Variants in SV2C observed in about 807,000 individuals in gnomAD.
The protein encoded by SV2C is synaptic vesicle glycoprotein 2C, also known as solute carrier family 22 member B3.
A neutral mutation model predicts 79.7 loss-of-function variants in SV2C; 49 were observed. The observed-to-expected ratio is 0.61, with a 90% confidence interval of 0.49 to 0.78. The LOEUF (loss-of-function observed/expected upper bound fraction) is 0.78. Ranked by LOEUF, SV2C falls within the 30% of genes least tolerant of loss-of-function variation. SV2C has a pLI of 0.00. For synonymous variants in SV2C, 334 were observed against 333.2 expected, an observed-to-expected ratio of 1.00 and a Z score of -0.03; for missense variants, 833 against 912.9, an observed-to-expected ratio of 0.91 and a Z score of 1.13.
the SV2C span, among the ~76,000 whole-genome samples, chr5:75,991,459 T>G: frequency 6.6e-6 from 1 of 150,920 alleles, no homozygotes; most frequent in Non-Finnish European, 1.5e-5. Flanking sequence ...AATCTGTAAT[T>G]TTTTCTTTAT....
chr5:76,002,970 C>T, the SV2C span, among the ~76,000 whole-genome samples: 2 of 151,956 alleles, frequency 1.3e-5, no homozygotes, highest in African/African-American at 2.4e-5. Flanking sequence ...ATAATCCCCA[C>T]GTGTCATGGG....
chr5:75,980,851 G>A, the SV2C span, among the ~76,000 whole-genome samples: 5 of 152,184 alleles, frequency 3.3e-5, no homozygotes, highest in Non-Finnish European at 5.9e-5. Flanking sequence ...CAGTACTGGA[G>A]GTCCTGGCCA....
the SV2C span, among the ~76,000 whole-genome samples, chr5:75,871,970 A>G: frequency 2.0e-5 from 3 of 147,630 alleles, no homozygotes; most frequent in African/African-American, 4.9e-5. Flanking sequence ...ACACACACGT[A>G]TATTTAACAA....
the SV2C span, among the ~76,000 whole-genome samples, chr5:75,949,815 C>G: frequency 6.6e-6 from 1 of 152,114 alleles, no homozygotes; most frequent in Non-Finnish European, 1.5e-5. Context: ...AGTGTGAAAA[C>G]CAGCTAATAC....
intron 2 of SV2C, among the ~76,000 whole-genome samples, chr5:76,144,208 A>G (rs978760685): frequency 6.6e-6 from 1 of 152,222 alleles, no homozygotes; most frequent in African/African-American, 2.4e-5. Context: ...ATTTATCAAT[A>G]TTGGAATATT....
chr5:75,994,570 ACT>A, the SV2C span, among the ~76,000 whole-genome samples: 1 of 152,062 alleles, frequency 6.6e-6, no homozygotes, highest in Admixed American at 6.6e-5. Flanking sequence ...TGGCTTTGTG[ACT>A]CTCTAAATTT....
At chr5:75,920,114 A>G in the SV2C span, among the ~76,000 whole-genome samples, 2 of 152,228 alleles carry the variant, frequency 1.3e-5, no homozygotes, top group Admixed American at 6.5e-5. Context: ...TTCTTAAGTA[A>G]GAATCTATGG....
the SV2C span, among the ~76,000 whole-genome samples, chr5:76,064,304 C>T: frequency 6.6e-6 from 1 of 152,124 alleles, no homozygotes; most frequent in Non-Finnish European, 1.5e-5. Context: ...GAGCTCAGGC[C>T]CTGGACGTGA....
At chr5:76,180,562 G>A (rs1370030733) in intron 2 of SV2C, among the ~76,000 whole-genome samples, 1 of 152,122 alleles carries the variant, frequency 6.6e-6, no homozygotes, top group African/African-American at 2.4e-5. Flanking sequence ...GTTCTTTTCA[G>A]TCCAGTGACA....
At chr5:76,186,239 C>T (rs933151843) in intron 2 of SV2C, among the ~76,000 whole-genome samples, 8 of 152,188 alleles carry the variant, frequency 5.3e-5, no homozygotes, top group African/African-American at 1.7e-4. Flanking sequence ...CTTCTGAGCC[C>T]TCCAAACTGT....
intron 2 of SV2C, among the ~76,000 whole-genome samples, chr5:76,137,922 A>T (rs898293832): frequency 3.3e-5 from 5 of 152,156 alleles, no homozygotes; most frequent in Non-Finnish European, 7.3e-5. Context: ...TTAGGTGAGA[A>T]AGGATTCCAT....
intron 4 of SV2C, among the ~76,000 whole-genome samples, chr5:76,234,796 A>G (rs1185438262): frequency 6.6e-6 from 1 of 152,212 alleles, no homozygotes; most frequent in East Asian, 1.9e-4. Context: ...TATCATAGCC[A>G]ATCAAAAGTG....
chr5:76,124,380 C>A (rs1246767817), intron 1 of SV2C, among the ~76,000 whole-genome samples: 1 of 152,176 alleles, frequency 6.6e-6, no homozygotes, highest in Non-Finnish European at 1.5e-5. Flanking sequence ...CTTTTTGTGG[C>A]TGGCTTATTT....
chr5:76,194,537 TA>T (rs1744210496), intron 2 of SV2C, among the ~76,000 whole-genome samples: 1 of 152,164 alleles, frequency 6.6e-6, no homozygotes, highest in African/African-American at 2.4e-5. Context: ...AGCACCATAG[TA>T]CAGAGAAAAA....
At position 76,317,442 on chromosome 5, in the gene SV2C, A is replaced by AC. The variant is rs937243837; in HGVS notation, c.2001-7922_2001-7921insC. Among the ~76,000 whole-genome samples, 175 of 147,264 alleles carry AC rather than the reference A, an allele frequency of 1.2e-3. 1 individual carries two copies. The highest frequency in any genetic ancestry group is 2.9e-3 in the African/African-American group (109 of 37,470). ...CTAGACAAAAAGAACCACCCCCCCC[A>AC]ACACACACACACATACACACACACA... is the stretch of plus-strand genomic sequence containing the variant. On this transcript the variant is annotated intron_variant, in intron 12 of 12. Coordinates refer to ENST00000502798, the MANE Select transcript of SV2C (RefSeq NM_014979.4).
intron 4 of SV2C, among the ~76,000 whole-genome samples, chr5:76,270,681 C>T (rs2972831): frequency 0.15 from 22,510 of 152,092 alleles, 1,905 homozygotes; most frequent in African/African-American, 0.23. Context: ...GGGGCTCAAA[C>T]GAGCAGATGC....
chr5:76,273,590 C>T (rs1024027744), intron 4 of SV2C, among the ~76,000 whole-genome samples: 1 of 152,150 alleles, frequency 6.6e-6, no homozygotes, highest in Non-Finnish European at 1.5e-5. Flanking sequence ...ATTCAGGAAG[C>T]AGAGGCATAA....
chr5:76,292,335 C>G (rs1449388458), intron 8 of SV2C, among the ~76,000 whole-genome samples: 1 of 152,144 alleles, frequency 6.6e-6, no homozygotes. Flanking sequence ...AATTGCAGCC[C>G]CTCCACACTC....
chr5:75,946,062 A>G, the SV2C span, among the ~76,000 whole-genome samples: 183 of 152,226 alleles, frequency 1.2e-3, no homozygotes, highest in Non-Finnish European at 2.1e-3. Context: ...AATGCAAATT[A>G]AGAAAAGAAA....
Sources: gnomAD v4.1 joint callset for allele counts (sites outside exome capture counted in the v4.1 genomes callset) on GRCh38, gnomAD v4.1.1 for gene constraint, MANE v1.5 for transcripts, NCBI Gene and HGNC (gene_info 2026-07-23, HGNC 2026-07-21) for gene names.